Variants in RPS14 observed in about 807,000 individuals in gnomAD.
The protein encoded by RPS14 is ribosomal protein S14.
Under a neutral mutation model 15.4 loss-of-function variants are expected in RPS14, and 1 was observed. The ratio of observed to expected loss-of-function variants is 0.07; its 90% CI spans 0.02 to 0.31. The LOEUF (loss-of-function observed/expected upper bound fraction) is 0.31. Among genes scored for constraint, RPS14 ranks in the 10% least tolerant of loss-of-function variants. The pLI is 1.00. For missense variants in RPS14, 69 were observed against 205.5 expected (o/e 0.34, Z 4.06); for synonymous variants, 68 against 74.4 (o/e 0.91, Z 0.44).
chr5:150,447,024 T>C, intron 2 of RPS14, 61 bp from the exon 3 acceptor site: 2 of 1,579,402 alleles, frequency 1.3e-6, no homozygotes, highest in Non-Finnish European at 1.7e-6. Context: ...TACGATATCC[T>C]AATGAGTGAA....
At chr5:150,447,976 ACAGCT>A (rs1377398937) in intron 1 of RPS14, 1 of 476,124 alleles carries the variant, frequency 2.1e-6, no homozygotes, top group East Asian at 3.5e-5. Context: ...GAAACTACCA[ACAGCT>A]CAGCTCACAG....
rs1770985097 is a variant in RPS14 at position 150,443,111 on chromosome 5, C to T, written c.*1175G>A. 1 of 151,944 alleles carries T rather than the reference C, an allele frequency of 6.6e-6. No individual in the cohort carries two copies. Among genetic ancestry groups the T allele is most frequent in the Admixed American group, 6.6e-5 (1 of 15,240 alleles). The allele number at this position is 151,944 out of a possible 1,614,324, so 9.4% of individuals were successfully genotyped here. A position where few individuals can be genotyped will look rare whatever the true frequency, so the allele number is the denominator to read the frequency against. On this transcript the variant is annotated 3_prime_UTR_variant, in exon 5 of 5. Transcript: ENST00000407193. The stretch of plus-strand genomic sequence containing the variant: ...CGCCTCCTTAATCTCCTGTCCTTGA[C>T]TTTCATGACTTTTAACAATTTAAGG...
chr5:150,447,805 T>G, intron 1 of RPS14, 70 bp from the exon 2 acceptor site: 1 of 1,510,458 alleles, frequency 6.6e-7, no homozygotes, highest in African/African-American at 1.4e-5. Context: ...CCCTGGCTAT[T>G]AAATGAAACC....
chr5:150,445,381 C>A, intron 4 of RPS14: 1 of 675,972 alleles, frequency 1.5e-6, no homozygotes, highest in Non-Finnish European at 2.7e-6. Flanking sequence ...CTGCACCAGG[C>A]AGTGTAGGAC....
At position 150,442,704 on chromosome 5, in the gene RPS14, C is replaced by A. The variant is rs1770971110; in HGVS notation, c.*1582G>T. 6.6e-6 allele frequency: 1 copy of A among 151,786 alleles called. No homozygotes were observed. The highest frequency in any genetic ancestry group is 2.4e-5 in the African/African-American group (1 of 41,190). The allele number at this position is 151,786 out of a possible 1,614,324, so 9.4% of individuals were successfully genotyped here. On this transcript the variant is annotated 3_prime_UTR_variant, in exon 5 of 5. Coordinates refer to ENST00000407193, the MANE Select transcript of RPS14 (RefSeq NM_005617.4). Reference sequence around the variant, plus strand: ...TTCATATTTTTTAATTTATTATTTACTTATTTAGTTTTTGAGATAGGATCT... The same window carrying A: ...TTCATATTTTTTAATTTATTATTTAATTATTTAGTTTTTGAGATAGGATCT...
intron 1 of RPS14, 88 bp from the exon 2 acceptor site, chr5:150,447,823 TG>T: frequency 1.5e-6 from 2 of 1,375,356 alleles, no homozygotes; most frequent in Non-Finnish European, 2.0e-6. Context: ...ACCCTAGTCC[TG>T]CTTCATGTCC....
intron 1 of RPS14, chr5:150,448,655 C>CA (rs1419096993): frequency 6.6e-6 from 1 of 152,268 alleles, no homozygotes; most frequent in African/African-American, 2.4e-5. Context: ...ACAGTAAAGA[C>CA]AGTGGCAAAA....
Position 150,442,812 on chromosome 5 carries a change from C to T in RPS14, c.*1474G>A, listed in dbSNP as rs969082717. The T allele has an allele frequency of 6.6e-6, 1 of 152,238 alleles. No individual in the cohort carries two copies. Among genetic ancestry groups the T allele is most frequent in the African/African-American group, 2.4e-5 (1 of 41,442 alleles). 9.4% of individuals were successfully genotyped at this position (152,238 alleles called of 1,614,324 possible). On this transcript the variant is annotated 3_prime_UTR_variant, in exon 5 of 5. Coordinates refer to ENST00000407193, the MANE Select transcript of RPS14 (RefSeq NM_005617.4). ...TTCCCAGGCTCAGGCAATTCTCCCA[C>T]CTCAGCCTCCCAAGTAGCTGGCAGT...
At position 150,443,584 on chromosome 5, in the gene RPS14, T is replaced by C. The variant is rs3857421; in HGVS notation, c.*702A>G. Reference sequence around the variant, plus strand: ...CTGTGACACACAGCATCCTCTCCACTGGGTCTCACTAACCCTACCCAGCCA... The same window carrying C: ...CTGTGACACACAGCATCCTCTCCACCGGGTCTCACTAACCCTACCCAGCCA... On this transcript the variant is annotated 3_prime_UTR_variant, in exon 5 of 5. Transcript: ENST00000407193. 0.22 allele frequency: 32,834 copies of C among 152,192 alleles called. 4,209 individuals carry two copies. Among genetic ancestry groups the C allele is most frequent in the South Asian group, 0.4 (1,937 of 4,820 alleles). The allele number at this position is 152,192 out of a possible 1,614,324, so 9.4% of individuals were successfully genotyped here. A position where few individuals can be genotyped will look rare whatever the true frequency, so the allele number is the denominator to read the frequency against.
At chr5:150,447,028 G>A in intron 2 of RPS14, 65 bp from the exon 3 acceptor site, 2 of 1,570,048 alleles carry the variant, frequency 1.3e-6, no homozygotes, top group Admixed American at 3.4e-5. Context: ...ATATCCTAAT[G>A]AGTGAAGAGC....
chr5:150,446,450 C>T lies in RPS14; in HGVS notation c.311+352G>A, dbSNP rs1003825126. On this transcript the variant is annotated intron_variant, in intron 3 of 4. Coordinates refer to ENST00000407193, the MANE Select transcript of RPS14 (RefSeq NM_005617.4). This position sits in a 1 kb window ranked among gnomAD's most constrained non-coding sequence, Gnocchi z 4.2. ...TTTAAATTACACTTTATCACCAACTCCTTACTTGTGCTTCCTGGCATTTGT... is the reference window on the plus strand; with the variant it reads ...TTTAAATTACACTTTATCACCAACTTCTTACTTGTGCTTCCTGGCATTTGT... Among the ~76,000 whole-genome samples, 5 of 152,194 alleles carry T rather than the reference C, an allele frequency of 3.3e-5. No homozygotes were observed. Among genetic ancestry groups the T allele is most frequent in the Non-Finnish European group, 7.3e-5 (5 of 68,044 alleles).
In RPS14 at chr5:150,446,618, A is replaced by G. The variant is rs559057515; in HGVS notation, c.311+184T>C. On this transcript the variant is annotated intron_variant, in intron 3 of 4. Coordinates refer to ENST00000407193, the MANE Select transcript of RPS14 (RefSeq NM_005617.4). The surrounding 1 kb of genome is among the most constrained non-coding windows in gnomAD (Gnocchi z 4.2). ...TAGTACCTGAAACACAGCTCCTAGT[A>G]TACAGTGGGTGCTCAACACTGAGCT... Among the ~76,000 whole-genome samples the G allele has an allele frequency of 6.6e-6, 1 of 152,186 alleles. No homozygotes were observed. Among genetic ancestry groups the G allele is most frequent in the Non-Finnish European group, 1.5e-5 (1 of 68,036 alleles).
chr5:150,444,601 C>CA, intron 4 of RPS14: 1 of 663,734 alleles, frequency 1.5e-6, no homozygotes, highest in Non-Finnish European at 2.8e-6. Flanking sequence ...GTCAGAGGCA[C>CA]AGGACAAATC....
chr5:150,444,585 C>T, intron 4 of RPS14: 1 of 671,944 alleles, frequency 1.5e-6, no homozygotes, highest in Non-Finnish European at 2.7e-6. Context: ...GAGCTGTGCG[C>T]AAGATGTCAG....
intron 1 of RPS14, chr5:150,449,169 G>A (rs774139730): frequency 2.6e-5 from 4 of 152,224 alleles, no homozygotes; most frequent in East Asian, 1.9e-4. Context: ...AACTTGCAAC[G>A]TGCCCGACTC....
chr5:150,447,424 C>G, intron 2 of RPS14, 161 bp downstream of exon 2: 1 of 732,878 alleles, frequency 1.4e-6, no homozygotes. Context: ...CTTGTAACCC[C>G]TGGGAAATCA....
At chr5:150,445,300 T>C (rs949481618) in intron 4 of RPS14, 23 of 496,172 alleles carry the variant, frequency 4.6e-5, no homozygotes, top group Non-Finnish European at 6.9e-5. Flanking sequence ...CAGGAGATGG[T>C]ACACACAAAA....
In RPS14 at chr5:150,446,477, A is replaced by G. The variant is rs78447544; in HGVS notation, c.311+325T>C. Among the ~76,000 whole-genome samples the G allele has an allele frequency of 4.6e-5, 7 of 152,278 alleles. No homozygotes were observed. The East Asian group carries it at 1.2e-3, about 25-fold the overall frequency. ...TTACTTGTGCTTCCTGGCATTTGTC[A>G]CAAATGAAAACCACATACTCCCTGG... is the stretch of plus-strand genomic sequence containing the variant. On this transcript the variant is annotated intron_variant, in intron 3 of 4. Coordinates refer to ENST00000407193, the MANE Select transcript of RPS14 (RefSeq NM_005617.4). The surrounding 1 kb of genome is among the most constrained non-coding windows in gnomAD (Gnocchi z 4.2).
Position 150,445,699 on chromosome 5 carries a change from G to A in RPS14, c.312-14C>T. The A allele has an allele frequency of 6.2e-7, 1 of 1,601,766 alleles. No homozygotes were observed. Among genetic ancestry groups the A allele is most frequent in the Non-Finnish European group, 8.5e-7 (1 of 1,174,320 alleles). ...GGGGTCTTGGTCCTAGAAAATGAAG[G>A]TTTAAGTTAAGAAGAGCCTTTGGCC... On this transcript the variant is annotated splice_polypyrimidine_tract_variant and intron_variant, in intron 3 of 4. Transcript: ENST00000407193.
Sources: allele counts gnomAD v4.1 joint callset (sites outside exome capture counted in the v4.1 genomes callset), GRCh38; gene constraint gnomAD v4.1.1; non-coding constraint Gnocchi (gnomAD v3.1); transcripts MANE v1.5; gene names NCBI Gene and HGNC (gene_info 2026-07-23, HGNC 2026-07-21).